Variants in RBFOX1 observed in about 807,000 individuals in gnomAD.
RBFOX1 encodes RNA binding fox-1 homolog 1.
A neutral mutation model predicts 57.7 loss-of-function variants in RBFOX1; 8 were observed. The ratio of observed to expected loss-of-function variants is 0.14; its 90% confidence interval spans 0.08 to 0.25. RBFOX1 has a LOEUF of 0.25. RBFOX1 is among the 10% of genes least tolerant of loss of function. The pLI, the probability that RBFOX1 is intolerant of heterozygous loss-of-function variation, is 1.00. For missense variants in RBFOX1, 611 were observed against 548.5 expected (o/e 1.11, Z -1.14); for synonymous variants, 326 against 222.4 (o/e 1.47, Z -4.15).
intron 1 of RBFOX1, among the ~76,000 whole-genome samples, chr16:6,153,779 G>T (rs2096818647): frequency 6.6e-6 from 1 of 152,012 alleles, no homozygotes; most frequent in African/African-American, 2.4e-5. Flanking sequence ...CAGGTGATCT[G>T]CCCACCTCTT....
chr16:6,650,423 G>T (rs1366381639), intron 2 of RBFOX1, among the ~76,000 whole-genome samples: 1 of 152,184 alleles, frequency 6.6e-6, no homozygotes. Context: ...AGCACCTGAT[G>T]AGGGATCACT....
intron 1 of RBFOX1, among the ~76,000 whole-genome samples, chr16:6,184,431 G>C (rs1448406908): frequency 6.6e-6 from 1 of 152,220 alleles, no homozygotes; most frequent in Admixed American, 6.5e-5. Flanking sequence ...AACAGAACTT[G>C]CAGGTGTGAG....
chr16:7,159,348 GC>G (rs1291776893), intron 4 of RBFOX1, among the ~76,000 whole-genome samples: 2 of 152,126 alleles, frequency 1.3e-5, no homozygotes, highest in Non-Finnish European at 2.9e-5. Context: ...GGGGTGGCAA[GC>G]CCCTGGTGAA....
chr16:6,282,012 C>T (rs762206061), intron 1 of RBFOX1, among the ~76,000 whole-genome samples: 31 of 152,082 alleles, frequency 2.0e-4, no homozygotes, highest in Non-Finnish European at 4.1e-4. Context: ...AAAAATGTAC[C>T]ACTCTATAGA....
intron 4 of RBFOX1, among the ~76,000 whole-genome samples, chr16:7,231,919 C>T (rs902037802): frequency 1.3e-5 from 2 of 152,092 alleles, no homozygotes; most frequent in African/African-American, 2.4e-5. Flanking sequence ...GGGGAATAAC[C>T]ATTAAATAGG....
intron 4 of RBFOX1, among the ~76,000 whole-genome samples, chr16:7,183,730 G>A (rs1242685225): frequency 6.6e-6 from 1 of 152,142 alleles, no homozygotes; most frequent in East Asian, 1.9e-4. Flanking sequence ...CTAGTTCTTA[G>A]GCTTACTGTC....
At chr16:6,959,186 A>AAT (rs2082438236) in intron 3 of RBFOX1, among the ~76,000 whole-genome samples, 1 of 152,148 alleles carries the variant, frequency 6.6e-6, no homozygotes, top group African/African-American at 2.4e-5. Context: ...TCATCTGTGA[A>AAT]ATACTCGCTC....
chr16:6,962,732 C>T (rs184017570), intron 3 of RBFOX1, among the ~76,000 whole-genome samples: 1 of 152,190 alleles, frequency 6.6e-6, no homozygotes, highest in East Asian at 1.9e-4. Flanking sequence ...GGAGCAGTAG[C>T]ATGTGTGTGT....
intron 4 of RBFOX1, among the ~76,000 whole-genome samples, chr16:5,929,499 C>G (rs536820019): frequency 6.6e-6 from 1 of 152,254 alleles, no homozygotes; most frequent in South Asian, 2.1e-4. Context: ...ATTAGAGTGT[C>G]TTTGAAGATT....
rs74006952 is a variant in RBFOX1, at chr16:6,220,260, C to G, written c.-126-96735C>G. 3.0e-3 allele frequency among the ~76,000 whole-genome samples: 460 copies of G among 152,146 alleles called. 1 individual carries two copies. Among genetic ancestry groups the G allele is most frequent in the African/African-American group, 0.01 (418 of 41,496 alleles). On this transcript the variant is annotated intron_variant, in intron 1 of 15. Coordinates refer to ENST00000550418, the MANE Select transcript of RBFOX1 (RefSeq NM_018723.4). Reference sequence around the variant, plus strand: ...GTCTATTTCTCCATACAAACAGACACACATAACATACATTTACTTTCTTGA... The same window carrying G: ...GTCTATTTCTCCATACAAACAGACAGACATAACATACATTTACTTTCTTGA...
rs367631647 is a variant in RBFOX1, at chr16:7,221,367, T to TTTTA, written c.27+169283_27+169286dup. ...TGATTATTTATTTATTTATTTATTT[T>TTTTA]TTTATTTATTTATTTATGAGACAGA... On this transcript the variant is annotated intron_variant, in intron 4 of 15. Transcript: ENST00000550418. 6.3e-3 allele frequency among the ~76,000 whole-genome samples: 693 copies of TTTTA among 109,608 alleles called. 6 individuals carry two copies. The highest frequency in any genetic ancestry group is 0.025 in the African/African-American group (646 of 26,076). The allele number at this position is 109,608 out of a possible 152,430, so 71.9% of individuals were successfully genotyped here.
chr16:6,435,340 G>T (rs980201969), intron 2 of RBFOX1, among the ~76,000 whole-genome samples: 1 of 146,958 alleles, frequency 6.8e-6, no homozygotes, highest in Admixed American at 6.8e-5. Context: ...TCATTCTGTC[G>T]CCCAGGCTGG....
At chr16:5,931,394 C>T (rs2059053526) in intron 4 of RBFOX1, among the ~76,000 whole-genome samples, 1 of 152,014 alleles carries the variant, frequency 6.6e-6, no homozygotes, top group Non-Finnish European at 1.5e-5. Context: ...GGAGATGGGT[C>T]CTTTGTCTGA....
At position 7,563,303 on chromosome 16, in the gene RBFOX1, G is replaced by A. The variant is rs1046413654; in HGVS notation, c.271-16474G>A. ...GACTCATTTGGGGTAGATGCCAATA[G>A]TATTCCTATTTTCTAGATAAAGGTA... On this transcript the variant is annotated intron_variant, in intron 5 of 15. Coordinates refer to ENST00000550418, the MANE Select transcript of RBFOX1 (RefSeq NM_018723.4). Among the ~76,000 whole-genome samples the A allele has an allele frequency of 1.1e-4, 16 of 152,270 alleles. No individual in the cohort carries two copies. The East Asian group carries it at 2.7e-3, about 26-fold the overall frequency.
intron 3 of RBFOX1, among the ~76,000 whole-genome samples, chr16:7,009,182 T>C (rs78346168): frequency 0.024 from 2,464 of 102,326 alleles, 386 homozygotes; most frequent in African/African-American, 0.1. Flanking sequence ...CTCTTGCTCT[T>C]TCTCTTTCTC....
At chr16:7,413,410 C>T (rs1413388577) in intron 4 of RBFOX1, among the ~76,000 whole-genome samples, 2 of 152,138 alleles carry the variant, frequency 1.3e-5, no homozygotes, top group African/African-American at 4.8e-5. Flanking sequence ...CCTTGACCCC[C>T]AGAGTTCCTG....
intron 1 of RBFOX1, among the ~76,000 whole-genome samples, chr16:6,112,954 C>T (rs946373514): frequency 6.6e-6 from 1 of 152,108 alleles, no homozygotes; most frequent in African/African-American, 2.4e-5. Flanking sequence ...TCATTTGGGC[C>T]TAGAAATGGC....
chr16:5,569,438 CTTT>C (rs796279138), intron 2 of RBFOX1, among the ~76,000 whole-genome samples: 834 of 49,028 alleles, frequency 0.017, no homozygotes, highest in East Asian at 0.07. Context: ...AAGAAGTAAC[CTTT>C]TTTTTTTTTT....
At chr16:7,656,092 G>A (rs2066232374) in intron 12 of RBFOX1, among the ~76,000 whole-genome samples, 1 of 152,176 alleles carries the variant, frequency 6.6e-6, no homozygotes, top group Non-Finnish European at 1.5e-5. Flanking sequence ...GTACCTCCTT[G>A]CTGATAATAG....
Sources: allele counts gnomAD v4.1 joint callset (sites outside exome capture counted in the v4.1 genomes callset), GRCh38; gene constraint gnomAD v4.1.1; transcripts MANE v1.5; gene names NCBI Gene and HGNC (gene_info 2026-07-23, HGNC 2026-07-21).